The following ATRNL1 variants were observed in gnomAD, a reference collection of about 807,000 sequenced individuals.
ATRNL1 encodes the protein attractin-like protein 1.
In ATRNL1, 95 loss-of-function variants were observed where a neutral mutation model predicts 182.7. That is an observed-to-expected ratio of 0.52 (90% CI 0.44 to 0.62). ATRNL1 has a LOEUF of 0.62. Ranked by LOEUF, ATRNL1 falls within the 20% of genes least tolerant of loss-of-function variation. The pLI is 0.00. For missense variants in ATRNL1, 1,471 were observed against 1,679.5 expected (o/e 0.88, Z 2.17); for synonymous variants, 576 against 568.3 (o/e 1.01, Z -0.19).
At chr10:115,690,554 T>C (rs1459880267) in intron 26 of ATRNL1, among the ~76,000 whole-genome samples, 4 of 151,974 alleles carry the variant, frequency 2.6e-5, no homozygotes, top group Non-Finnish European at 4.4e-5. Flanking sequence ...GGCCCAGAGG[T>C]TGGAGACCCC....
intron 27 of ATRNL1, among the ~76,000 whole-genome samples, chr10:115,840,961 G>A (rs1950794312): frequency 6.6e-6 from 1 of 152,088 alleles, no homozygotes; most frequent in Non-Finnish European, 1.5e-5. Flanking sequence ...TCTTAATTTT[G>A]AAACTCATAC....
At chr10:115,531,508 A>T (rs1397372246) in intron 25 of ATRNL1, among the ~76,000 whole-genome samples, 5 of 151,258 alleles carry the variant, frequency 3.3e-5, no homozygotes, top group African/African-American at 1.2e-4. Context: ...GTTTGAGTTC[A>T]TTGTAGATTC....
At chr10:115,587,221 T>C (rs1219488282) in intron 26 of ATRNL1, among the ~76,000 whole-genome samples, 3 of 151,960 alleles carry the variant, frequency 2.0e-5, no homozygotes, top group Non-Finnish European at 4.4e-5. Flanking sequence ...GTCTGTGCCC[T>C]GCCCCCAGAG....
intron 20 of ATRNL1, among the ~76,000 whole-genome samples, chr10:115,410,328 CTTTT>C (rs531844397): frequency 7.0e-6 from 1 of 142,776 alleles, no homozygotes; most frequent in South Asian, 2.2e-4. Context: ...AAAATTGCTA[CTTTT>C]TTTTTTTTTT....
At chr10:115,690,304 CT>C (rs1196584456) in intron 26 of ATRNL1, among the ~76,000 whole-genome samples, 3 of 152,018 alleles carry the variant, frequency 2.0e-5, no homozygotes, top group African/African-American at 4.8e-5. Flanking sequence ...GGGGGAGATA[CT>C]TTCAGGATGA....
chr10:115,743,787 AAAATT>A (rs1948211116), intron 27 of ATRNL1, among the ~76,000 whole-genome samples: 3 of 540 alleles, frequency 5.6e-3, no homozygotes, highest in African/African-American at 8.8e-3. Context: ...GTATTTTATT[AAAATT>A]GTATGTGTAT....
intron 15 of ATRNL1, among the ~76,000 whole-genome samples, chr10:115,299,433 A>G (rs1187766292): frequency 6.6e-6 from 1 of 152,068 alleles, no homozygotes; most frequent in African/African-American, 2.4e-5. Flanking sequence ...TTTTGTTAAT[A>G]AAATTATATG....
intron 28 of ATRNL1, among the ~76,000 whole-genome samples, chr10:115,920,543 C>G (rs552929963): frequency 3.3e-5 from 5 of 152,286 alleles, no homozygotes; most frequent in African/African-American, 1.2e-4. Context: ...CTAAGAGAGG[C>G]ACAAGAATCC....
At chr10:115,755,348 A>G (rs973431255) in intron 27 of ATRNL1, among the ~76,000 whole-genome samples, 26 of 152,200 alleles carry the variant, frequency 1.7e-4, no homozygotes, top group South Asian at 2.1e-4. Context: ...CGTTCCATCA[A>G]TAACTAGTTT....
chr10:115,749,039 T>C (rs142436358), intron 27 of ATRNL1, among the ~76,000 whole-genome samples: 2 of 152,072 alleles, frequency 1.3e-5, no homozygotes, highest in African/African-American at 4.8e-5. Flanking sequence ...TTAAAAATAT[T>C]ACTGTAAATC....
chr10:115,185,234 T>C (rs1847897700), intron 8 of ATRNL1, among the ~76,000 whole-genome samples: 1 of 152,070 alleles, frequency 6.6e-6, no homozygotes, highest in Admixed American at 6.6e-5. Flanking sequence ...CCAGTAGTAG[T>C]GAGCACACTG....
At chr10:115,472,289 C>A (rs1176781176) in intron 24 of ATRNL1, among the ~76,000 whole-genome samples, 1 of 151,028 alleles carries the variant, frequency 6.6e-6, no homozygotes, top group Non-Finnish European at 1.5e-5. Context: ...ATGCCTCCAG[C>A]TTTGTTCTTC....
At chr10:115,376,543 G>A (rs1857681341) in intron 19 of ATRNL1, among the ~76,000 whole-genome samples, 1 of 152,246 alleles carries the variant, frequency 6.6e-6, no homozygotes, top group African/African-American at 2.4e-5. Flanking sequence ...AGTTTTTGAA[G>A]ATATGGGGTC....
intron 1 of ATRNL1, among the ~76,000 whole-genome samples, chr10:115,117,737 G>C (rs1244010488): frequency 6.6e-6 from 1 of 151,880 alleles, no homozygotes; most frequent in East Asian, 1.9e-4. Context: ...TTGCTGAATC[G>C]TATGGTAGCT....
At chr10:115,117,454 A>G (rs193077714) in intron 1 of ATRNL1, among the ~76,000 whole-genome samples, 34 of 152,192 alleles carry the variant, frequency 2.2e-4, no homozygotes, top group African/African-American at 8.2e-4. Context: ...AGAACATATA[A>G]TGTTTATCTT....
intron 24 of ATRNL1, among the ~76,000 whole-genome samples, chr10:115,495,431 T>C (rs12781537): frequency 0.42 from 63,857 of 151,894 alleles, 14,184 homozygotes; most frequent in Middle Eastern, 0.5. Flanking sequence ...TTGAGATCAT[T>C]CTAACTTTTT....
intron 5 of ATRNL1, among the ~76,000 whole-genome samples, chr10:115,135,330 C>G (rs1845454316): frequency 6.6e-6 from 1 of 152,222 alleles, no homozygotes; most frequent in African/African-American, 2.4e-5. Flanking sequence ...TAAGCAACTT[C>G]AGCAAAGTCT....
intron 26 of ATRNL1, among the ~76,000 whole-genome samples, chr10:115,569,010 T>G (rs1854228933): frequency 6.6e-6 from 1 of 151,960 alleles, no homozygotes; most frequent in African/African-American, 2.4e-5. Context: ...TGCACAACAT[T>G]TTTGTGTACC....
At chr10:115,739,938 C>T (rs148309735) in intron 27 of ATRNL1, among the ~76,000 whole-genome samples, 219 of 152,124 alleles carry the variant, frequency 1.4e-3, no homozygotes, top group African/African-American at 4.5e-3. Flanking sequence ...TTCTGTTACA[C>T]GCAGTAGGAG....
Sources: allele counts gnomAD v4.1 joint callset (sites outside exome capture counted in the v4.1 genomes callset), GRCh38; gene constraint gnomAD v4.1.1; transcripts MANE v1.5; gene names NCBI Gene and HGNC (gene_info 2026-07-23, HGNC 2026-07-21).